Variants in LARS2 observed in about 807,000 individuals in gnomAD.
LARS2 encodes leucine--tRNA ligase, mitochondrial.
LARS2 carries 81 observed loss-of-function variants against 116.6 expected under a neutral mutation model. The observed-to-expected ratio is 0.69, with a 90% CI of 0.58 to 0.84. The LOEUF (loss-of-function observed/expected upper bound fraction) is 0.84. Ranked by LOEUF, LARS2 falls within the 40% of genes least tolerant of loss-of-function variation. The pLI, the probability that LARS2 is intolerant of heterozygous loss-of-function variation, is 0.00. For missense variants in LARS2, 968 were observed against 1,114.5 expected (o/e 0.87, Z 1.87); for synonymous variants, 396 against 407.2 (o/e 0.97, Z 0.33).
chr3:45,474,202 C>T, intron 8 of LARS2, 41 bp from the exon 9 acceptor site: 1 of 1,301,986 alleles, frequency 7.7e-7, no homozygotes, highest in African/African-American at 1.4e-5. Flanking sequence ...CTTAAATAAG[C>T]CTTGTGCCTC....
At chr3:45,527,903 G>C (rs767870020) in intron 20 of LARS2, among the ~76,000 whole-genome samples, 2 of 152,306 alleles carry the variant, frequency 1.3e-5, no homozygotes, top group Admixed American at 6.5e-5. Flanking sequence ...ATGCACAACT[G>C]GTGAATTTCT....
chr3:45,390,233 A>G (rs376024655), intron 1 of LARS2, among the ~76,000 whole-genome samples: 4 of 152,204 alleles, frequency 2.6e-5, no homozygotes, highest in Admixed American at 1.3e-4. Flanking sequence ...GATCTTTTTC[A>G]TATTAACTAT....
At chr3:45,537,813 G>A (rs1419287824) in intron 20 of LARS2, among the ~76,000 whole-genome samples, 2 of 152,182 alleles carry the variant, frequency 1.3e-5, no homozygotes, top group Non-Finnish European at 2.9e-5. Context: ...GGGGTGCCAT[G>A]GTGACATGGT....
intron 20 of LARS2, chr3:45,541,475 A>C: frequency 4.3e-6 from 1 of 230,952 alleles, no homozygotes; most frequent in Non-Finnish European, 8.4e-6. Context: ...AATGCTGCTC[A>C]GTACTTTGGA....
intron 8 of LARS2, among the ~76,000 whole-genome samples, chr3:45,464,970 G>A (rs185652475): frequency 6.6e-6 from 1 of 152,222 alleles, no homozygotes; most frequent in African/African-American, 2.4e-5. Flanking sequence ...ACAGGGCTGA[G>A]GGTGGCTTTA....
intron 8 of LARS2, among the ~76,000 whole-genome samples, chr3:45,468,163 A>G (rs1699459352): frequency 6.6e-6 from 1 of 152,138 alleles, no homozygotes; most frequent in Admixed American, 6.5e-5. Flanking sequence ...TCCGGGTTAG[A>G]TCATCATTTA....
chr3:45,522,218 C>T (rs867130794), intron 19 of LARS2, among the ~76,000 whole-genome samples: 3 of 152,196 alleles, frequency 2.0e-5, no homozygotes, highest in African/African-American at 2.4e-5. Context: ...GGAAGCACTT[C>T]GGCTATCAGG....
chr3:45,460,069 C>T (rs544716342), intron 8 of LARS2, among the ~76,000 whole-genome samples: 26 of 152,330 alleles, frequency 1.7e-4, no homozygotes, highest in African/African-American at 4.8e-4. Context: ...AATTGTAGGA[C>T]GCCAACTCAC....
chr3:45,510,606 A>G (rs186671146), intron 15 of LARS2, among the ~76,000 whole-genome samples: 198 of 152,352 alleles, frequency 1.3e-3, no homozygotes, highest in Admixed American at 2.2e-3. Context: ...GAGTTGAGCC[A>G]GGAAGGAGGA....
chr3:45,499,221 C>A (rs1372902815), intron 14 of LARS2, among the ~76,000 whole-genome samples: 1 of 152,180 alleles, frequency 6.6e-6, no homozygotes, highest in Non-Finnish European at 1.5e-5. Context: ...TTAGGCAGAT[C>A]ACCTGAGGTC....
At chr3:45,496,741 A>C (rs958410927) in intron 14 of LARS2, among the ~76,000 whole-genome samples, 4 of 152,194 alleles carry the variant, frequency 2.6e-5, no homozygotes, top group African/African-American at 4.8e-5. Context: ...AGCCTGGGAG[A>C]GCAACATGGG....
At chr3:45,393,380 A>G (rs1297138482) in intron 2 of LARS2, among the ~76,000 whole-genome samples, 1 of 151,746 alleles carries the variant, frequency 6.6e-6, no homozygotes, top group East Asian at 2.0e-4. Flanking sequence ...TTCGACACCA[A>G]CCTGGCCAAC....
At chr3:45,537,226 A>T (rs879317311) in intron 20 of LARS2, among the ~76,000 whole-genome samples, 3 of 152,326 alleles carry the variant, frequency 2.0e-5, no homozygotes, top group Admixed American at 2.0e-4. Flanking sequence ...CAAGTAATCC[A>T]TCAGCACCTT....
intron 2 of LARS2, among the ~76,000 whole-genome samples, chr3:45,393,536 T>G (rs1279257385): frequency 1.3e-5 from 2 of 152,018 alleles, no homozygotes; most frequent in Non-Finnish European, 2.9e-5. Flanking sequence ...GATCATGCCA[T>G]TGCACTTCAG....
At chr3:45,438,994 A>G (rs765555827) in intron 6 of LARS2, among the ~76,000 whole-genome samples, 7 of 152,078 alleles carry the variant, frequency 4.6e-5, no homozygotes, top group Admixed American at 6.5e-5. Context: ...TCAGGGCTGT[A>G]CTGAGTGTCT....
At chr3:45,514,581 G>T (rs1246145836) in intron 16 of LARS2, among the ~76,000 whole-genome samples, 2 of 152,172 alleles carry the variant, frequency 1.3e-5, no homozygotes, top group African/African-American at 4.8e-5. Flanking sequence ...CTCTGTAACA[G>T]GCAAGGCTGC....
At chr3:45,413,126 A>G (rs1698360089) in intron 4 of LARS2, among the ~76,000 whole-genome samples, 1 of 152,220 alleles carries the variant, frequency 6.6e-6, no homozygotes, top group Admixed American at 6.5e-5. Context: ...AAGAACTTCC[A>G]ATGCCTAGCA....
intron 6 of LARS2, chr3:45,421,338 C>T (rs1222108989): frequency 6.6e-6 from 1 of 151,984 alleles, no homozygotes; most frequent in Non-Finnish European, 1.5e-5. Context: ...AAGTAATATC[C>T]CAGACCTAGT....
chr3:45,538,196 A>G (rs1296029357), intron 20 of LARS2: 1 of 152,206 alleles, frequency 6.6e-6, no homozygotes. Flanking sequence ...ACTCCCATCT[A>G]TATGGAAATG....
Sources: gnomAD v4.1 joint callset for allele counts (sites outside exome capture counted in the v4.1 genomes callset) on GRCh38, gnomAD v4.1.1 for gene constraint, MANE v1.5 for transcripts, NCBI Gene and HGNC (gene_info 2026-07-23, HGNC 2026-07-21) for gene names.